Variants in SNX29 observed in about 807,000 individuals in gnomAD.
The protein encoded by SNX29 is sorting nexin 29, also known as sorting nexin-29.
Under a neutral mutation model 102.1 loss-of-function variants are expected in SNX29, and 78 were observed. The observed-to-expected ratio is 0.76, with a 90% confidence interval of 0.64 to 0.92. The LOEUF is 0.92. Ranked by LOEUF, SNX29 falls within the 40% of genes least tolerant of loss-of-function variation. SNX29 has a pLI of 0.00. For synonymous variants in SNX29, 580 were observed against 414.5 expected, an observed-to-expected ratio of 1.40 and a Z score of -4.85; for missense variants, 1,280 against 1,061.7, an observed-to-expected ratio of 1.21 and a Z score of -2.86.
intron 20 of SNX29, among the ~76,000 whole-genome samples, chr16:12,525,962 T>A (rs2076771812): frequency 6.6e-6 from 1 of 152,128 alleles, no homozygotes; most frequent in South Asian, 2.1e-4. Context: ...ATGCTGACAT[T>A]TACATCCTTG....
rs374924098 is a variant in SNX29 at position 12,062,692 on chromosome 16, C to T, written c.1243+1046C>T. On this transcript the variant is annotated intron_variant, in intron 9 of 20. Transcript: ENST00000566228. ...TCGTTTTCTTAGGAAGTGAATGTGCCTTCTCTGGGCCCAGATTTAGGAAAT... is the reference window on the plus strand; with the variant it reads ...TCGTTTTCTTAGGAAGTGAATGTGCTTTCTCTGGGCCCAGATTTAGGAAAT... Among the ~76,000 whole-genome samples, 17 of 152,284 alleles carry T rather than the reference C, an allele frequency of 1.1e-4. No homozygotes were observed. In the East Asian group the frequency reaches 3.1e-3, roughly 28 times the overall value.
chr16:12,105,111 G>A (rs974654442), intron 11 of SNX29, among the ~76,000 whole-genome samples: 3 of 152,200 alleles, frequency 2.0e-5, no homozygotes, highest in Admixed American at 2.0e-4. Context: ...AGGCAACACC[G>A]TGAGCAGTTT....
chr16:12,370,000 TG>T (rs547443998), intron 16 of SNX29, among the ~76,000 whole-genome samples: 9 of 152,168 alleles, frequency 5.9e-5, no homozygotes, highest in Non-Finnish European at 1.0e-4. Context: ...GCTGATCACC[TG>T]AGGTCAGGCA....
intron 16 of SNX29, among the ~76,000 whole-genome samples, chr16:12,369,613 C>G (rs1285186911): frequency 1.3e-5 from 2 of 152,164 alleles, no homozygotes. Context: ...TGGACCCTCC[C>G]AGTGCTTTCC....
chr16:12,107,210 C>T (rs1355451012), intron 11 of SNX29, among the ~76,000 whole-genome samples: 1 of 152,154 alleles, frequency 6.6e-6, no homozygotes, highest in African/African-American at 2.4e-5. Context: ...TGTCTTTATT[C>T]TGAGTGGTCA....
At chr16:12,372,093 A>C (rs2082706905) in intron 16 of SNX29, among the ~76,000 whole-genome samples, 1 of 152,216 alleles carries the variant, frequency 6.6e-6, no homozygotes, top group African/African-American at 2.4e-5. Context: ...TTTGGTATAT[A>C]CCCTTCCAGG....
chr16:11,993,127 C>G (rs568778882), intron 1 of SNX29, among the ~76,000 whole-genome samples: 1 of 151,786 alleles, frequency 6.6e-6, no homozygotes, highest in Non-Finnish European at 1.5e-5. Context: ...ATGGCGCCAC[C>G]GTACTCCAGC....
chr16:12,218,338 A>G (rs1035312043), intron 14 of SNX29, among the ~76,000 whole-genome samples: 19 of 152,210 alleles, frequency 1.2e-4, no homozygotes, highest in Non-Finnish European at 1.3e-4. Context: ...AAACAAACGT[A>G]TATCTATTCT....
chr16:12,246,382 T>G (rs1238904023), intron 14 of SNX29, among the ~76,000 whole-genome samples: 2 of 152,084 alleles, frequency 1.3e-5, no homozygotes, highest in Non-Finnish European at 2.9e-5. Context: ...GGCTCACGCT[T>G]GTAATCCCAG....
chr16:12,562,860 G>A lies in SNX29; in HGVS notation c.2319-5646G>A, dbSNP rs139512434. Among the ~76,000 whole-genome samples the A allele has an allele frequency of 3.5e-3, 527 of 152,132 alleles. 2 individuals carry two copies. The highest frequency in any genetic ancestry group is 0.012 in the African/African-American group (490 of 41,492). On this transcript the variant is annotated intron_variant, in intron 20 of 20. Transcript: ENST00000566228. ...CCCTATAGGCAACCCGACAGCTCCCGGTCTGTGCTTTGTCATTTCTAGTTT... is the reference window on the plus strand; with the variant it reads ...CCCTATAGGCAACCCGACAGCTCCCAGTCTGTGCTTTGTCATTTCTAGTTT...
intron 13 of SNX29, among the ~76,000 whole-genome samples, chr16:12,188,252 G>A (rs1209747738): frequency 2.0e-5 from 3 of 152,134 alleles, no homozygotes; most frequent in Admixed American, 2.0e-4. Flanking sequence ...AATTCTGTCT[G>A]TAGTTTCTGA....
intron 13 of SNX29, among the ~76,000 whole-genome samples, chr16:12,168,301 GAT>G (rs1432088370): frequency 1.3e-5 from 2 of 152,122 alleles, no homozygotes; most frequent in African/African-American, 2.4e-5. Flanking sequence ...GGAAGGAAAG[GAT>G]GTGCAAAAGC....
At chr16:12,175,984 C>T (rs900803247) in intron 13 of SNX29, among the ~76,000 whole-genome samples, 10 of 151,076 alleles carry the variant, frequency 6.6e-5, no homozygotes, top group Admixed American at 5.3e-4. Flanking sequence ...CCAGCCTGGG[C>T]AATAGAGCAA....
chr16:12,544,394 G>C (rs1480127051), intron 20 of SNX29, among the ~76,000 whole-genome samples: 1 of 152,196 alleles, frequency 6.6e-6, no homozygotes. Flanking sequence ...TTGTGAGGTG[G>C]TTCTGCTAAA....
chr16:12,204,206 G>C (rs1209990807), intron 14 of SNX29, among the ~76,000 whole-genome samples: 1 of 152,294 alleles, frequency 6.6e-6, no homozygotes, highest in Non-Finnish European at 1.5e-5. Flanking sequence ...GAATCCAGCT[G>C]TGCCTGGCGT....
At chr16:11,993,994 G>C (rs1482915985) in intron 1 of SNX29, among the ~76,000 whole-genome samples, 1 of 152,150 alleles carries the variant, frequency 6.6e-6, no homozygotes, top group African/African-American at 2.4e-5. Flanking sequence ...GGTAGCAGGA[G>C]CCTGTAATCT....
At chr16:12,404,979 A>G (rs551551625) in intron 18 of SNX29, among the ~76,000 whole-genome samples, 163 of 152,334 alleles carry the variant, frequency 1.1e-3, no homozygotes, top group Non-Finnish European at 1.5e-3. Flanking sequence ...GGCAACAGTC[A>G]TAGGAGAATC....
intron 14 of SNX29, among the ~76,000 whole-genome samples, chr16:12,251,536 C>T (rs921324598): frequency 6.6e-6 from 1 of 152,072 alleles, no homozygotes; most frequent in Non-Finnish European, 1.5e-5. Flanking sequence ...AACCCCGTCT[C>T]TACTACAAAT....
chr16:12,526,764 C>T (rs186909460), intron 20 of SNX29: 12 of 429,232 alleles, frequency 2.8e-5, no homozygotes, highest in Middle Eastern at 6.8e-4. Flanking sequence ...CTGCCCCATC[C>T]GCAAGTCAGT....
Sources: gnomAD v4.1 joint callset for allele counts (sites outside exome capture counted in the v4.1 genomes callset) on GRCh38, gnomAD v4.1.1 for gene constraint, MANE v1.5 for transcripts, NCBI Gene and HGNC (gene_info 2026-07-23, HGNC 2026-07-21) for gene names.